THADA: variants seen among roughly 807,000 people sequenced by gnomAD.
THADA encodes THADA armadillo repeat containing, also known as tRNA (32-2'-O)-methyltransferase regulator THADA.
In THADA, 213 loss-of-function variants were observed where a neutral mutation model predicts 219.8. That is an observed-to-expected ratio of 0.97 (90% CI 0.87 to 1.09). The LOEUF (loss-of-function observed/expected upper bound fraction) is 1.09. Among genes scored for constraint, THADA ranks in the 50% least tolerant of loss-of-function variants. The probability of loss-of-function intolerance (pLI) is 0.00; values close to 1 mark genes in which losing one functional copy is unlikely to be tolerated. For synonymous variants in THADA, 1,018 were observed against 828.9 expected, an observed-to-expected ratio of 1.23 and a Z score of -3.92; for missense variants, 2,956 against 2,311.3, an observed-to-expected ratio of 1.28 and a Z score of -5.72.
At chr2:43,533,659 A>G (rs888756770) in intron 21 of THADA, among the ~76,000 whole-genome samples, 1 of 152,190 alleles carries the variant, frequency 6.6e-6, no homozygotes, top group Non-Finnish European at 1.5e-5. Flanking sequence ...CAAACACCAC[A>G]TGTTCTCATT....
intron 35 of THADA, among the ~76,000 whole-genome samples, chr2:43,280,127 G>A (rs770371372): frequency 3.3e-5 from 5 of 152,152 alleles, no homozygotes; most frequent in Non-Finnish European, 7.3e-5. Context: ...TAGGCTTTCC[G>A]GAGGCAACCA....
intron 22 of THADA, among the ~76,000 whole-genome samples, chr2:43,525,471 C>A (rs1441107926): frequency 6.6e-6 from 1 of 152,164 alleles, no homozygotes; most frequent in Non-Finnish European, 1.5e-5. Context: ...CAGCTTCTGG[C>A]TGATTCTCTT....
At chr2:43,266,000 A>C (rs1671480996) in intron 36 of THADA, among the ~76,000 whole-genome samples, 1 of 148,514 alleles carries the variant, frequency 6.7e-6, no homozygotes, top group Admixed American at 6.8e-5. Flanking sequence ...CAGACTCTTG[A>C]GGGTCTGAAG....
intron 31 of THADA, among the ~76,000 whole-genome samples, chr2:43,299,466 C>T (rs1675994507): frequency 6.6e-6 from 1 of 151,612 alleles, no homozygotes; most frequent in African/African-American, 2.4e-5. Context: ...TGAGACCAAC[C>T]TGGCCAACAT....
chr2:43,231,263 C>A lies in THADA; in HGVS notation c.5547G>T (p.Lys1849Asn). Reference protein sequence around the residue: ...ETLIFVKYLCKHLFCLLSKSG... With the variant: ...ETLIFVKYLCNHLFCLLSKSG... ...ACTTTGAGAGGAGACAGAAGAGGTG[C>A]TTGCAGAGGTATTTCACAAAGATCA... Residue 1849 changes from lysine (K) to asparagine (N), a missense_variant, in exon 38 of 38, where the codon AAG becomes AAT. By Grantham distance (94) the Lys-to-Asn change is moderately conservative. Coordinates refer to ENST00000405975, the MANE Select transcript of THADA (RefSeq NM_022065.5). 6.2e-7 allele frequency: 1 copy of A among 1,609,598 alleles called. No homozygotes were observed. The highest frequency in any genetic ancestry group is 1.7e-5 in the Admixed American group (1 of 58,640).
Position 43,231,363 on chromosome 2 carries a change from C to T in THADA, c.5467-20G>A, listed in dbSNP as rs750793777. The T allele has an allele frequency of 2.0e-6, 3 of 1,496,250 alleles. No homozygotes were observed. Among genetic ancestry groups the T allele is most frequent in the South Asian group, 2.8e-5 (2 of 71,854 alleles). The allele number at this position is 1,496,250 out of a possible 1,614,324, so 92.7% of individuals were successfully genotyped here. A position where few individuals can be genotyped will look rare whatever the true frequency, so the allele number is the denominator to read the frequency against. On this transcript the variant is annotated intron_variant, in intron 37 of 37. Transcript: ENST00000405975. ...TTCCACCTAAATCAGATGAAAAAGCCGAAAGTCAGTCTTACAGGGAATGGT... is the reference window on the plus strand; with the variant it reads ...TTCCACCTAAATCAGATGAAAAAGCTGAAAGTCAGTCTTACAGGGAATGGT...
chr2:43,451,391 C>G (rs556710325), intron 26 of THADA, among the ~76,000 whole-genome samples: 1 of 152,298 alleles, frequency 6.6e-6, no homozygotes, highest in South Asian at 2.1e-4. Context: ...ATTCCATCCC[C>G]CACTGTCCAT....
intron 36 of THADA, among the ~76,000 whole-genome samples, chr2:43,254,293 C>T (rs1013695935): frequency 1.3e-5 from 2 of 152,094 alleles, no homozygotes; most frequent in African/African-American, 4.8e-5. Context: ...TGATCGAAAA[C>T]AGAACCAACC....
At chr2:43,589,514 G>A (rs997691317) in intron 4 of THADA, among the ~76,000 whole-genome samples, 2 of 152,162 alleles carry the variant, frequency 1.3e-5, no homozygotes, top group African/African-American at 4.8e-5. Flanking sequence ...AGATGACAAG[G>A]TTCTAGAGAT....
chr2:43,592,820 AAAGAT>A (rs1212878305), intron 1 of THADA: 1 of 154,240 alleles, frequency 6.5e-6, no homozygotes, highest in Non-Finnish European at 1.4e-5. Context: ...TAGTTTTTCC[AAAGAT>A]AAAATACTTC....
chr2:43,405,572 C>T (rs1013267881), intron 28 of THADA, among the ~76,000 whole-genome samples: 25 of 152,176 alleles, frequency 1.6e-4, no homozygotes, highest in Non-Finnish European at 5.9e-5. Context: ...GCAATTCAAA[C>T]CACTAGCACA....
chr2:43,482,573 T>C (rs1686362788), intron 26 of THADA, among the ~76,000 whole-genome samples: 1 of 152,212 alleles, frequency 6.6e-6, no homozygotes, highest in Non-Finnish European at 1.5e-5. Context: ...TTATAGTGGT[T>C]ATATTGTAAC....
intron 36 of THADA, among the ~76,000 whole-genome samples, chr2:43,235,376 C>T (rs1341388963): frequency 6.6e-6 from 1 of 152,154 alleles, no homozygotes; most frequent in Non-Finnish European, 1.5e-5. Flanking sequence ...TCACCGCGAC[C>T]TCCGCTTCCC....
intron 26 of THADA, among the ~76,000 whole-genome samples, chr2:43,444,718 T>C (rs981614513): frequency 1.3e-5 from 2 of 151,818 alleles, no homozygotes; most frequent in Non-Finnish European, 2.9e-5. Context: ...GTGAAACGTG[T>C]TGAAAAAAAG....
chr2:43,578,111 C>CA (rs984316237), intron 9 of THADA, among the ~76,000 whole-genome samples: 4 of 146,570 alleles, frequency 2.7e-5, no homozygotes, highest in East Asian at 2.0e-4. Flanking sequence ...CCAGACAATG[C>CA]AAAAAAAAAT....
At chr2:43,347,554 T>C (rs1006177043) in intron 29 of THADA, among the ~76,000 whole-genome samples, 5 of 152,230 alleles carry the variant, frequency 3.3e-5, no homozygotes, top group South Asian at 2.1e-4. Flanking sequence ...CTATGGACTT[T>C]AGTTAATAAT....
intron 31 of THADA, among the ~76,000 whole-genome samples, chr2:43,318,329 C>G (rs1281354075): frequency 6.6e-6 from 1 of 152,070 alleles, no homozygotes; most frequent in Non-Finnish European, 1.5e-5. Flanking sequence ...CTTGAGCCAC[C>G]ACATCTGACC....
chr2:43,595,883 G>A (rs983058051), intron 1 of THADA, 48 bp downstream of exon 1: 10 of 152,364 alleles, frequency 6.6e-5, no homozygotes, highest in African/African-American at 2.2e-4. Flanking sequence ...AAAACTGGCC[G>A]AGCCGAGCTA....
intron 26 of THADA, among the ~76,000 whole-genome samples, chr2:43,435,799 A>T (rs927318273): frequency 7.4e-6 from 1 of 134,792 alleles, no homozygotes; most frequent in Non-Finnish European, 1.7e-5. Flanking sequence ...AAAAAAAAAA[A>T]AGAAAGAAAA....
Sources: gnomAD v4.1 joint callset for allele counts (sites outside exome capture counted in the v4.1 genomes callset) on GRCh38, gnomAD v4.1.1 for gene constraint, MANE v1.5 for transcripts, NCBI Gene and HGNC (gene_info 2026-07-23, HGNC 2026-07-21) for gene names.